The following PRLR variants were observed in gnomAD, a reference collection of about 807,000 sequenced individuals.
The protein encoded by PRLR is hPRL receptor.
A neutral mutation model predicts 40.2 loss-of-function variants in PRLR; 13 were observed. That is an observed-to-expected ratio of 0.32 (90% confidence interval 0.21 to 0.51). PRLR has a LOEUF of 0.51. Ranked by LOEUF, PRLR falls within the 20% of genes least tolerant of loss-of-function variation. The pLI is 0.97. For synonymous variants in PRLR, 269 were observed against 278.7 expected, an observed-to-expected ratio of 0.97 and a Z score of 0.35; for missense variants, 656 against 747.3, an observed-to-expected ratio of 0.88 and a Z score of 1.42.
At chr5:35,102,710 T>A (rs1007516263) in intron 2 of PRLR, among the ~76,000 whole-genome samples, 6 of 152,058 alleles carry the variant, frequency 3.9e-5, no homozygotes, top group Admixed American at 3.3e-4. Flanking sequence ...GCTCAGCTAA[T>A]TTTTGTGTTT....
At chr5:35,161,491 C>T (rs1271615680) in intron 1 of PRLR, among the ~76,000 whole-genome samples, 1 of 152,296 alleles carries the variant, frequency 6.6e-6, no homozygotes, top group East Asian at 1.9e-4. Context: ...GCATCCTGAT[C>T]CCTAAAAATC....
At chr5:35,187,556 T>C (rs928195314) in intron 1 of PRLR, among the ~76,000 whole-genome samples, 2 of 152,302 alleles carry the variant, frequency 1.3e-5, no homozygotes, top group Middle Eastern at 3.4e-3. Context: ...TTTAGCTCTA[T>C]GGCTGGGTGC....
intron 9 of PRLR, among the ~76,000 whole-genome samples, chr5:35,066,787 G>A (rs1414576924): frequency 7.2e-5 from 9 of 124,154 alleles, no homozygotes; most frequent in African/African-American, 9.9e-5. Flanking sequence ...TTTTTGAGAC[G>A]GAGTCTCGCT....
chr5:35,063,604 T>C lies in PRLR; in HGVS notation c.*1485A>G, dbSNP rs1477388889. On this transcript the variant is annotated 3_prime_UTR_variant, in exon 10 of 10. Coordinates refer to ENST00000618457, the MANE Select transcript of PRLR (RefSeq NM_000949.7). ...ATACCTAGTTTCCCAGAACTTTTAT[T>C]TGGACACTTCTGATATGAGCCATTT... The C allele has an allele frequency of 1.3e-5, 2 of 152,196 alleles. No homozygotes were observed. The highest frequency in any genetic ancestry group is 6.5e-5 in the Admixed American group (1 of 15,288). 9.4% of individuals were successfully genotyped at this position (152,196 alleles called of 1,614,324 possible). A position where few individuals can be genotyped will look rare whatever the true frequency, so the allele number is the denominator to read the frequency against.
intron 1 of PRLR, among the ~76,000 whole-genome samples, chr5:35,149,374 G>A (rs867064888): frequency 1.3e-5 from 2 of 152,128 alleles, no homozygotes; most frequent in African/African-American, 4.8e-5. Flanking sequence ...AAGCTGTATA[G>A]TTTTAGCAAA....
intron 1 of PRLR, among the ~76,000 whole-genome samples, chr5:35,158,712 T>A (rs187604465): frequency 6.6e-6 from 1 of 152,136 alleles, no homozygotes; most frequent in African/African-American, 2.4e-5. Context: ...TGGCTTCTTT[T>A]TATGGAGACA....
In PRLR at chr5:35,065,258, T is replaced by C. The variant is rs200410277; in HGVS notation, c.1700A>G (p.Lys567Arg). The change falls in exon 10 of 10, where the codon AAA (lysine) becomes AGA (arginine). Residue 567 changes from lysine (K) to arginine (R), a missense_variant. Coordinates refer to ENST00000618457, the MANE Select transcript of PRLR (RefSeq NM_000949.7). The part of the protein sequence containing the change: ...ILVLVPDPHA[K>R]NVACFEESAK... Reference sequence around the variant, plus strand: ...TGATTCTTCAAAGCAAGCCACGTTTTTAGCATGTGGATCTGGCACCAACAC... The same window carrying C: ...TGATTCTTCAAAGCAAGCCACGTTTCTAGCATGTGGATCTGGCACCAACAC... The C allele has an allele frequency of 6.2e-7, 1 of 1,614,048 alleles. No homozygotes were observed. Among genetic ancestry groups the C allele is most frequent in the Non-Finnish European group, 8.5e-7 (1 of 1,180,038 alleles).
rs1769210239 is a variant in PRLR at position 35,064,224 on chromosome 5, T to G, written c.*865A>C. 2 of 152,236 alleles carry G rather than the reference T, an allele frequency of 1.3e-5. No homozygotes were observed. Among genetic ancestry groups the G allele is most frequent in the African/African-American group, 4.8e-5 (2 of 41,470 alleles). The allele number at this position is 152,236 out of a possible 1,614,324, so 9.4% of individuals were successfully genotyped here. A position where few individuals can be genotyped will look rare whatever the true frequency, so the allele number is the denominator to read the frequency against. ...TATGGGTTTATATTAAAGTAGAATT[T>G]GTATGTACAGTAAGGCAGTAATTCC... On this transcript the variant is annotated 3_prime_UTR_variant, in exon 10 of 10. Coordinates refer to ENST00000618457, the MANE Select transcript of PRLR (RefSeq NM_000949.7).
intron 1 of PRLR, among the ~76,000 whole-genome samples, chr5:35,125,080 T>C (rs1043732226): frequency 5.9e-5 from 9 of 152,178 alleles, no homozygotes; most frequent in Admixed American, 3.9e-4. Context: ...ACACTACTGA[T>C]AATTTAAAAA....
chr5:35,090,791 CTTTTTTTTTTTTTTTTTTT>C lies in PRLR; in HGVS notation c.-43-1147_-43-1129del, dbSNP rs554800498. ...GGCACCCAGGTACCATCAATTAGCT[CTTTTTTTTTTTTTTTTTTT>C]TTTTTTTTTTTTTTTTTTGAGACAG... On this transcript the variant is annotated intron_variant, in intron 2 of 9. Coordinates refer to ENST00000618457, the MANE Select transcript of PRLR (RefSeq NM_000949.7). Among the ~76,000 whole-genome samples the C allele has an allele frequency of 4.2e-3, 248 of 59,156 alleles. 3 individuals carry two copies. The highest frequency in any genetic ancestry group is 6.4e-3 in the Non-Finnish European group (168 of 26,096). The allele number at this position is 59,156 out of a possible 152,430, so 38.8% of individuals were successfully genotyped here. A position where few individuals can be genotyped will look rare whatever the true frequency, so the allele number is the denominator to read the frequency against.
intron 1 of PRLR, among the ~76,000 whole-genome samples, chr5:35,154,000 A>T (rs887281986): frequency 1.3e-4 from 20 of 152,316 alleles, no homozygotes; most frequent in Non-Finnish European, 2.5e-4. Flanking sequence ...AAAATAGATG[A>T]TTCCTTTAAT....
intron 5 of PRLR, among the ~76,000 whole-genome samples, chr5:35,074,732 T>C (rs893486281): frequency 6.6e-6 from 1 of 151,964 alleles, no homozygotes; most frequent in African/African-American, 2.4e-5. Flanking sequence ...ATAGTTGAAA[T>C]GGTGGATATG....
intron 1 of PRLR, among the ~76,000 whole-genome samples, chr5:35,156,432 C>A (rs1234882115): frequency 6.6e-6 from 1 of 152,178 alleles, no homozygotes; most frequent in African/African-American, 2.4e-5. Flanking sequence ...AAATCATACA[C>A]TTTTCTGCTC....
chr5:35,111,327 C>T (rs1455243374), intron 2 of PRLR, among the ~76,000 whole-genome samples: 2 of 151,986 alleles, frequency 1.3e-5, no homozygotes, highest in Non-Finnish European at 1.5e-5. Flanking sequence ...TCTTCCCAAC[C>T]CCGTGAGATT....
chr5:35,187,475 C>T (rs571379877), intron 1 of PRLR, among the ~76,000 whole-genome samples: 83 of 151,908 alleles, frequency 5.5e-4, no homozygotes, highest in Middle Eastern at 6.9e-3. Context: ...CAGATGAGAG[C>T]TCACTATTAC....
At chr5:35,103,887 C>A (rs1772053870) in intron 2 of PRLR, among the ~76,000 whole-genome samples, 1 of 152,142 alleles carries the variant, frequency 6.6e-6, no homozygotes, top group Non-Finnish European at 1.5e-5. Context: ...GAAGGCCTGA[C>A]AAACATCTGA....
intron 2 of PRLR, among the ~76,000 whole-genome samples, chr5:35,099,791 A>G (rs928179021): frequency 2.0e-5 from 3 of 152,232 alleles, no homozygotes; most frequent in African/African-American, 7.2e-5. Context: ...ACTTTTAAAA[A>G]TAGAAAAAAG....
chr5:35,090,500 G>A (rs1036672350), intron 2 of PRLR, among the ~76,000 whole-genome samples: 8 of 152,174 alleles, frequency 5.3e-5, no homozygotes, highest in African/African-American at 1.9e-4. Flanking sequence ...AAACAACTGA[G>A]AAAACAATAG....
chr5:35,086,239 TAGGA>T lies in PRLR; in HGVS notation c.168_171del (p.Thr58IlefsTer4). ...CTGTGGTAAGTCAGTGAATAATTGG[TAGGA>T]AGTCCTCCATCTGTCCCAGGCCTCC... On this transcript the variant is annotated frameshift_variant, in exon 4 of 10. Transcript: ENST00000618457. LOFTEE classifies it high-confidence loss of function. 10 of 1,613,954 alleles carry T rather than the reference TAGGA, an allele frequency of 6.2e-6. No homozygotes were observed. The highest frequency in any genetic ancestry group is 8.5e-6 in the Non-Finnish European group (10 of 1,179,922).
Sources: gnomAD v4.1 joint callset for allele counts (sites outside exome capture counted in the v4.1 genomes callset) on GRCh38, gnomAD v4.1.1 for gene constraint, MANE v1.5 for transcripts, NCBI Gene and HGNC (gene_info 2026-07-23, HGNC 2026-07-21) for gene names.